LMNTD2: variants seen among roughly 807,000 people sequenced by gnomAD.
LMNTD2 encodes the protein lamin tail domain-containing protein 2.
A neutral mutation model predicts 70.1 loss-of-function variants in LMNTD2; 83 were observed. The observed-to-expected ratio is 1.18, with a 90% confidence interval of 0.99 to 1.42. LMNTD2 has a LOEUF of 1.42. LMNTD2 is among the 40% of genes most tolerant of loss of function. The pLI, the probability that LMNTD2 is intolerant of heterozygous loss-of-function variation, is 0.00. For missense variants in LMNTD2, 1,153 were observed against 905.9 expected, an observed-to-expected ratio of 1.27 and a Z score of -3.50; for synonymous variants, 534 against 406.1, an observed-to-expected ratio of 1.31 and a Z score of -3.79.
At chr11:555,706 C>G in intron 12 of LMNTD2, 28 bp downstream of exon 12, 2 of 1,377,066 alleles carry the variant, frequency 1.5e-6, no homozygotes, top group Non-Finnish European at 1.9e-6. Flanking sequence ...GGGAGGGAGG[C>G]CAGATCCCGG....
At position 557,561 on chromosome 11, in the gene LMNTD2, G is replaced by A. The variant is rs1173335665; in HGVS notation, c.624+11C>T. 5 of 1,613,316 alleles carry A rather than the reference G, an allele frequency of 3.1e-6. No homozygotes were observed. The African/African-American group carries it at 5.3e-5, about 17-fold the overall frequency. On this transcript the variant is annotated intron_variant, in intron 6 of 13. Transcript: ENST00000329451. The stretch of plus-strand genomic sequence containing the variant: ...AGATACCAGACCACACACGTGGGAG[G>A]CCTAGCTCACCTCCCCGGTGGGGGC...
At chr11:559,747 G>A (rs1853158898) in intron 1 of LMNTD2, 3 of 1,057,416 alleles carry the variant, frequency 2.8e-6, no homozygotes, top group East Asian at 7.4e-5. Flanking sequence ...CCTGCCCACA[G>A]CCTGTTTTTA....
Position 554,972 on chromosome 11 carries a change from C to T in LMNTD2, c.*8G>A. 1 of 1,562,194 alleles carries T rather than the reference C, an allele frequency of 6.4e-7. No homozygotes were observed. Among genetic ancestry groups the T allele is most frequent in the East Asian group, 2.4e-5 (1 of 41,126 alleles). Reference sequence around the variant, plus strand: ...CTCCCTCGCGGTCCCGGCCCCACTCCTCCGCCCCTAGGCGCCGCGGCAGGT... The same window carrying T: ...CTCCCTCGCGGTCCCGGCCCCACTCTTCCGCCCCTAGGCGCCGCGGCAGGT... On this transcript the variant is annotated 3_prime_UTR_variant, in exon 14 of 14. Coordinates refer to ENST00000329451, the MANE Select transcript of LMNTD2 (RefSeq NM_173573.3).
At chr11:559,030 G>C in intron 1 of LMNTD2, 51 bp from the exon 2 acceptor site, 1 of 1,582,676 alleles carries the variant, frequency 6.3e-7, no homozygotes, top group Non-Finnish European at 8.6e-7. Context: ...CTCCTGGCCA[G>C]ACTTGGGGGC....
intron 8 of LMNTD2, 67 bp from the exon 9 acceptor site, chr11:556,655 G>A (rs2134096964): frequency 9.1e-6 from 13 of 1,426,020 alleles, no homozygotes; most frequent in Non-Finnish European, 1.2e-5. Context: ...TTCCCCGTGA[G>A]GTCAGAACAG....
At chr11:558,094 C>A in intron 4 of LMNTD2, 55 bp from the exon 5 acceptor site, 2 of 1,599,924 alleles carry the variant, frequency 1.3e-6, no homozygotes, top group Non-Finnish European at 1.7e-6. Context: ...GCAGAAGGCC[C>A]CCAGGCCAGC....
rs766315280 is a variant in LMNTD2, at chr11:555,419, G to A, written c.1659C>T (p.Ile553=). The change falls in exon 13 of 14, where the codon ATC becomes ATT. Residue 553 remains isoleucine, a synonymous_variant. Transcript: ENST00000329451. ...TGGCGGGCAGGTGCTGCGGCGCGGG[G>A]ATCTCGGGGTTCTCGGGCCGCGCAG... The part of the protein sequence containing the change: ...EGPARPENPE[I]PAPQHLPAIP... 4.3e-6 allele frequency: 6 copies of A among 1,401,382 alleles called. No homozygotes were observed. In the South Asian group the frequency reaches 9.8e-5, roughly 23 times the overall value. 86.8% of individuals were successfully genotyped at this position (1,401,382 alleles called of 1,614,324 possible).
intron 4 of LMNTD2, 61 bp from the exon 5 acceptor site, chr11:558,100 C>T (rs954310037): frequency 6.2e-7 from 1 of 1,602,790 alleles, no homozygotes; most frequent in East Asian, 2.2e-5. Context: ...GGCCCCCAGG[C>T]CAGCCCCAGC....
rs775587677 is a variant in LMNTD2, at chr11:556,961, C to T, written c.850G>A (p.Asp284Asn). The T allele has an allele frequency of 6.2e-6, 10 of 1,604,468 alleles. No individual in the cohort carries two copies. In the East Asian group the frequency reaches 6.7e-5, roughly 11 times the overall value. The change falls in exon 8 of 14, where the codon GAC becomes AAC. Residue 284 changes from aspartate to asparagine, a missense_variant. Asp to Asn is a conservative substitution (Grantham distance 23). Coordinates refer to ENST00000329451, the MANE Select transcript of LMNTD2 (RefSeq NM_173573.3). ...NTSSSGGADS[D>N]SSSCRPGLPS... ...AGGCCCGGCCGGCAGCTGCTGGAGT[C>T]GGAGTCAGCGCCCCCTGAGCTGCTG...
chr11:555,212 G>A (rs1852753195), intron 13 of LMNTD2, 93 bp downstream of exon 13: 1 of 631,786 alleles, frequency 1.6e-6, no homozygotes, highest in African/African-American at 5.2e-5. Context: ...CGGAGGGGAG[G>A]GGACGAGGAG....
chr11:560,535 C>T (rs540258957), intron 1 of LMNTD2, 148 bp downstream of exon 1: 20 of 1,278,704 alleles, frequency 1.6e-5, no homozygotes, highest in Non-Finnish European at 2.0e-5. Flanking sequence ...AAGGCTGGCC[C>T]GGGAAGCGAG....
intron 7 of LMNTD2, 109 bp from the exon 8 acceptor site, chr11:557,206 C>T: frequency 1.4e-6 from 2 of 1,452,954 alleles, no homozygotes; most frequent in South Asian, 2.7e-5. Context: ...CTCCCAGTAC[C>T]CAGGCTCAGT....
Position 558,537 on chromosome 11 carries a change from G to C in LMNTD2, c.311+77C>G. 5.3e-6 allele frequency: 8 copies of C among 1,504,200 alleles called. No homozygotes were observed. In the South Asian group the frequency reaches 9.0e-5, roughly 17 times the overall value. The allele number at this position is 1,504,200 out of a possible 1,614,324, so 93.2% of individuals were successfully genotyped here. A position where few individuals can be genotyped will look rare whatever the true frequency, so the allele number is the denominator to read the frequency against. ...GTAAGGATCTGCCTCAGCGGTTGGG[G>C]TTGGGGTCAGACAGAAACCAGGAGT... is the stretch of plus-strand genomic sequence containing the variant. On this transcript the variant is annotated intron_variant, in intron 3 of 13. Coordinates refer to ENST00000329451, the MANE Select transcript of LMNTD2 (RefSeq NM_173573.3).
intron 3 of LMNTD2, 148 bp downstream of exon 3, chr11:558,466 G>T: frequency 8.7e-7 from 1 of 1,152,236 alleles, no homozygotes; most frequent in Non-Finnish European, 1.2e-6. Flanking sequence ...GCTATAGCGT[G>T]TTAACTTAGG....
rs776254891 is a variant in LMNTD2, at chr11:556,913, C to G, written c.898G>C (p.Gly300Arg). ...GCGCGGTGGTCCCGGGGCGGGTGCC[C>G]TATCACCTGCACGAAGGAAGGCAGG... ...PGLPSFVQVI[G>R]HPPRDHRASS... is the part of the protein sequence containing the mutation. Residue 300 changes from glycine to arginine, a missense_variant, in exon 8 of 14, where the codon GGG becomes CGG. Transcript: ENST00000329451. 6.3e-7 allele frequency: 1 copy of G among 1,595,944 alleles called. No homozygotes were observed. Among genetic ancestry groups the G allele is most frequent in the African/African-American group, 1.3e-5 (1 of 74,742 alleles).
At chr11:557,240 C>T (rs1174949508) in intron 7 of LMNTD2, 143 bp from the exon 8 acceptor site, 27 of 1,388,106 alleles carry the variant, frequency 1.9e-5, no homozygotes, top group East Asian at 2.5e-5. Context: ...GTGATGGCTG[C>T]CTCAACCCCA....
intron 1 of LMNTD2, chr11:559,298 CTT>C (rs112162682): frequency 0.068 from 96,899 of 1,435,206 alleles, 3,242 homozygotes; most frequent in Non-Finnish European, 0.072. Flanking sequence ...TGGTGTCCCT[CTT>C]TCTCTCTCTT....
In LMNTD2 at chr11:558,881, G is replaced by T. The variant is rs1215222347; in HGVS notation, c.133C>A (p.Pro45Thr). The change falls in exon 2 of 14, where the codon CCG (proline) becomes ACG (threonine). Residue 45 changes from proline (P) to threonine (T), a missense_variant. Transcript: ENST00000329451. The part of the protein sequence containing the change: ...CLPDTTPHPA[P>T]VVCSADPQLA... ...TGCGGGTCGGCAGAGCAGACCACCG[G>T]TGCGGGGTGGGGCGTGGTGTCTGGC... The T allele has an allele frequency of 6.2e-7, 1 of 1,610,398 alleles. No individual in the cohort carries two copies. Among genetic ancestry groups the T allele is most frequent in the South Asian group, 1.1e-5 (1 of 90,982 alleles).
rs764549075 is a variant in LMNTD2 at position 555,789 on chromosome 11, G to A, written c.1519C>T (p.Arg507Ter). 11 of 1,514,036 alleles carry A rather than the reference G, an allele frequency of 7.3e-6. No homozygotes were observed. The highest frequency in any genetic ancestry group is 6.3e-5 in the South Asian group (5 of 79,986). 93.8% of individuals were successfully genotyped at this position (1,514,036 alleles called of 1,614,324 possible). Residue 507 changes from arginine (R) to a stop codon, truncating the protein, a stop_gained, in exon 12 of 14, where the codon CGA becomes TGA. Coordinates refer to ENST00000329451, the MANE Select transcript of LMNTD2 (RefSeq NM_173573.3). LOFTEE classifies it high-confidence loss of function. ...CGCACCCGGCCTTTGCGCAGGGGTC[G>A]AGGTGGGCGCGGCGGCTTGCGGGTG... ...ADTRKPPRPP[R>*]PLRKGRVREP... is the part of the protein sequence containing the mutation.
Sources: allele counts gnomAD v4.1 joint callset, GRCh38; gene constraint gnomAD v4.1.1; transcripts MANE v1.5; gene names NCBI Gene and HGNC (gene_info 2026-07-23, HGNC 2026-07-21).